The following MYOM2 variants were observed in gnomAD, a reference collection of about 807,000 sequenced individuals.
The protein encoded by MYOM2 is myomesin 2.
In MYOM2, 254 loss-of-function variants were observed where a neutral mutation model predicts 187.6. The ratio of observed to expected loss-of-function variants is 1.35; its 90% CI spans 1.22 to 1.50. The LOEUF is 1.50. Among genes scored for constraint, MYOM2 ranks in the 40% most tolerant of loss-of-function variants. The probability of loss-of-function intolerance (pLI) is 0.00; values close to 1 mark genes in which losing one functional copy is unlikely to be tolerated. For missense variants in MYOM2, 2,796 were observed against 1,924.0 expected (o/e 1.45, Z -8.48); for synonymous variants, 981 against 753.8 (o/e 1.30, Z -4.94).
chr8:2,047,580 A>C (rs1257697539), intron 1 of MYOM2, among the ~76,000 whole-genome samples: 2 of 152,206 alleles, frequency 1.3e-5, no homozygotes, highest in African/African-American at 4.8e-5. Context: ...GCACGTTGCA[A>C]GTGACCCCAT....
At chr8:2,084,323 C>A (rs1173114963) in intron 13 of MYOM2, among the ~76,000 whole-genome samples, 2 of 152,188 alleles carry the variant, frequency 1.3e-5, no homozygotes, top group African/African-American at 4.8e-5. Flanking sequence ...CGCTGTGCAA[C>A]AGGGCTCAGG....
rs778790138 is a variant in MYOM2 at position 2,059,190 on chromosome 8, C to A, written c.598C>A (p.Pro200Thr). 1.9e-6 allele frequency: 3 copies of A among 1,614,180 alleles called. No individual in the cohort carries two copies. The South Asian group carries it at 3.3e-5, about 18-fold the overall frequency. ...CAGTCTGATTTGCCAGGCGGCTGAA[C>A]CGGGAAAGTACAGGATTGAGAGCAA... Reference protein sequence around the residue: ...DGSLICQAAEPGKYRIESNYG... With the variant: ...DGSLICQAAETGKYRIESNYG... Residue 200 changes from proline to threonine, a missense_variant, in exon 6 of 37, where the codon CCG becomes ACG. Pro to Thr is a conservative substitution (Grantham distance 38, BLOSUM62 -1). Transcript: ENST00000262113.
chr8:2,048,026 T>G (rs1018291403), intron 1 of MYOM2, among the ~76,000 whole-genome samples: 1 of 152,244 alleles, frequency 6.6e-6, no homozygotes, highest in Non-Finnish European at 1.5e-5. Flanking sequence ...TCCAGGGCGA[T>G]TCTCCTCTTA....
chr8:2,058,318 A>G (rs1818742725), intron 5 of MYOM2, among the ~76,000 whole-genome samples: 1 of 152,092 alleles, frequency 6.6e-6, no homozygotes, highest in Non-Finnish European at 1.5e-5. Flanking sequence ...ACGCCTGACC[A>G]GAGTGTATTG....
chr8:2,124,434 A>G (rs965625379), intron 31 of MYOM2, among the ~76,000 whole-genome samples: 2 of 152,178 alleles, frequency 1.3e-5, no homozygotes, highest in African/African-American at 4.8e-5. Context: ...TACTTTAAGA[A>G]ACTCAGGTTG....
At chr8:2,082,951 A>T (rs941342599) in intron 13 of MYOM2, among the ~76,000 whole-genome samples, 16 of 152,138 alleles carry the variant, frequency 1.1e-4, no homozygotes, top group African/African-American at 3.9e-4. Context: ...GAACCAGAAG[A>T]CCTAAGCCTC....
At chr8:2,085,547 A>G (rs1344361306) in intron 14 of MYOM2, among the ~76,000 whole-genome samples, 157 bp downstream of exon 14, 4 of 20,580 alleles carry the variant, frequency 1.9e-4, no homozygotes, top group Admixed American at 9.7e-4. Flanking sequence ...GCGTGGCCCC[A>G]CTGTCATGAT....
chr8:2,104,287 G>A (rs1796819253), intron 21 of MYOM2, among the ~76,000 whole-genome samples: 1 of 152,110 alleles, frequency 6.6e-6, no homozygotes, highest in Non-Finnish European at 1.5e-5. Flanking sequence ...ACAGAACACC[G>A]AGGCTGGGTA....
chr8:2,104,480 C>T (rs970405260), intron 21 of MYOM2, among the ~76,000 whole-genome samples: 1 of 152,002 alleles, frequency 6.6e-6, no homozygotes, highest in African/African-American at 2.4e-5. Flanking sequence ...TGTTGGGCGC[C>T]TGTAGTCCCA....
chr8:2,123,769 T>G (rs2116861367), intron 30 of MYOM2, 127 bp downstream of exon 30: 2 of 779,076 alleles, frequency 2.6e-6, no homozygotes, highest in Non-Finnish European at 2.1e-6. Flanking sequence ...GCAGTAACAC[T>G]GTAGAAAAAA....
At chr8:2,110,747 C>G (rs997107810) in intron 25 of MYOM2, among the ~76,000 whole-genome samples, 1 of 152,186 alleles carries the variant, frequency 6.6e-6, no homozygotes, top group Admixed American at 6.5e-5. Context: ...GCCCCCCTAC[C>G]ATATTTCTAA....
At chr8:2,144,482 C>G (rs139660747) in intron 36 of MYOM2, among the ~76,000 whole-genome samples, 182 bp from the exon 37 acceptor site, 1 of 152,164 alleles carries the variant, frequency 6.6e-6, no homozygotes, top group Admixed American at 6.5e-5. Context: ...GAACCTGTTC[C>G]CTGCTGTCCT....
At chr8:2,091,016 CTTTTTTTTTTTTT>C (rs35873643) in intron 15 of MYOM2, among the ~76,000 whole-genome samples, 1 of 86,526 alleles carries the variant, frequency 1.2e-5, no homozygotes, top group Non-Finnish European at 2.1e-5. Context: ...AATGATAGTT[CTTTTTTTTTTTTT>C]TTTTTTTGGC....
At chr8:2,097,237 TATG>T (rs1223902237) in intron 18 of MYOM2, 6 of 382,884 alleles carry the variant, frequency 1.6e-5, no homozygotes, top group African/African-American at 1.3e-4. Context: ...TTTATACACA[TATG>T]ATGATATATA....
intron 20 of MYOM2, 146 bp from the exon 21 acceptor site, chr8:2,102,521 T>C (rs140406186): frequency 1.1e-4 from 62 of 560,056 alleles, no homozygotes; most frequent in African/African-American, 1.1e-3. Flanking sequence ...TCCTCTTCCC[T>C]CCTTTTCTAA....
intron 35 of MYOM2, 138 bp downstream of exon 35, chr8:2,142,535 C>T: frequency 1.2e-6 from 1 of 839,182 alleles, no homozygotes; most frequent in South Asian, 1.4e-5. Context: ...GCCACCAACA[C>T]CACACCCTGT....
intron 24 of MYOM2, among the ~76,000 whole-genome samples, chr8:2,109,119 A>T (rs1796985103): frequency 6.6e-6 from 1 of 152,234 alleles, no homozygotes; most frequent in African/African-American, 2.4e-5. Flanking sequence ...ATCTTCTGTT[A>T]TTGAATTGCA....
At chr8:2,139,687 A>T (rs764843086) in intron 32 of MYOM2, among the ~76,000 whole-genome samples, 20 of 152,118 alleles carry the variant, frequency 1.3e-4, no homozygotes, top group Admixed American at 7.2e-4. Flanking sequence ...ACAGGTCCAC[A>T]TTCCAGCTCT....
intron 3 of MYOM2, among the ~76,000 whole-genome samples, chr8:2,055,166 C>T (rs893887574): frequency 6.6e-6 from 1 of 151,286 alleles, no homozygotes; most frequent in Non-Finnish European, 1.5e-5. Flanking sequence ...AACCAAGTAC[C>T]TGGATACTGG....
Sources: allele counts gnomAD v4.1 joint callset (sites outside exome capture counted in the v4.1 genomes callset), GRCh38; gene constraint gnomAD v4.1.1; transcripts MANE v1.5; gene names NCBI Gene and HGNC (gene_info 2026-07-23, HGNC 2026-07-21).